CADPS2: variants seen among roughly 807,000 people sequenced by gnomAD.
CADPS2 encodes the protein calcium dependent secretion activator 2, also known as calcium-dependent secretion activator 2.
CADPS2 carries 93 observed loss-of-function variants against 172.5 expected under a neutral mutation model. The observed-to-expected ratio is 0.54, with a 90% CI of 0.46 to 0.64. The LOEUF (loss-of-function observed/expected upper bound fraction) is 0.64. Ranked by LOEUF, CADPS2 falls within the 30% of genes least tolerant of loss-of-function variation. CADPS2 has a pLI of 0.00. For synonymous variants in CADPS2, 546 were observed against 555.2 expected (o/e 0.98, Z 0.23); for missense variants, 1,420 against 1,565.9 (o/e 0.91, Z 1.57).
At chr7:122,400,431 C>T (rs1226824532) in intron 20 of CADPS2, among the ~76,000 whole-genome samples, 2 of 151,624 alleles carry the variant, frequency 1.3e-5, no homozygotes, top group African/African-American at 4.8e-5. Flanking sequence ...GAGCGAAACT[C>T]CATCTCAAAA....
At chr7:122,622,783 G>A (rs888142302) in intron 4 of CADPS2, among the ~76,000 whole-genome samples, 1 of 152,134 alleles carries the variant, frequency 6.6e-6, no homozygotes, top group East Asian at 1.9e-4. Flanking sequence ...CTCCAGAAAA[G>A]CACTGCCTTT....
rs146680247 is a variant in CADPS2, at chr7:122,519,842, T to A, written c.1476-6527A>T. Reference sequence around the variant, plus strand: ...AAAAAGTTAAGAGAAAACATTTTTTTAAATGGTATTTGCCTAATTGATTTT... The same window carrying A: ...AAAAAGTTAAGAGAAAACATTTTTTAAAATGGTATTTGCCTAATTGATTTT... On this transcript the variant is annotated intron_variant, in intron 8 of 29. Coordinates refer to ENST00000449022, the MANE Select transcript of CADPS2 (RefSeq NM_017954.11). Among the ~76,000 whole-genome samples the A allele has an allele frequency of 9.3e-5, 14 of 150,156 alleles. No individual in the cohort carries two copies. In the East Asian group the frequency reaches 2.8e-3, roughly 30 times the overall value.
At chr7:122,671,325 G>C (rs2081828238) in intron 2 of CADPS2, among the ~76,000 whole-genome samples, 1 of 152,132 alleles carries the variant, frequency 6.6e-6, no homozygotes, top group African/African-American at 2.4e-5. Flanking sequence ...GGTTTGGATG[G>C]TTAAACCAAT....
At chr7:122,392,314 T>G (rs1219544213) in intron 22 of CADPS2, among the ~76,000 whole-genome samples, 1 of 151,982 alleles carries the variant, frequency 6.6e-6, no homozygotes, top group East Asian at 1.9e-4. Context: ...TAGTAGTAAT[T>G]ATCATTTACT....
chr7:122,399,900 T>C (rs555077083), intron 20 of CADPS2, among the ~76,000 whole-genome samples: 4 of 148,738 alleles, frequency 2.7e-5, no homozygotes, highest in Admixed American at 2.7e-4. Context: ...GGTCTCGATC[T>C]CCTGACCTCG....
chr7:122,388,656 G>T lies in CADPS2; in HGVS notation c.3091C>A (p.Gln1031Lys). Residue 1031 changes from glutamine to lysine, a missense_variant, in exon 23 of 30, where the codon CAG (glutamine) becomes AAG (lysine). Coordinates refer to ENST00000449022, the MANE Select transcript of CADPS2 (RefSeq NM_017954.11). ...MFVFDLHWPE[Q>K]EFAHHLEQRL... Reference sequence around the variant, plus strand: ...TGCTCTAAGTGGTGGGCAAATTCCTGTTCTGGCCAGTGCAGATCAAAGACA... The same window carrying T: ...TGCTCTAAGTGGTGGGCAAATTCCTTTTCTGGCCAGTGCAGATCAAAGACA... The T allele has an allele frequency of 6.2e-7, 1 of 1,611,262 alleles. No homozygotes were observed. The highest frequency in any genetic ancestry group is 1.3e-5 in the African/African-American group (1 of 74,936).
At chr7:122,695,777 C>T (rs948429878) in intron 2 of CADPS2, among the ~76,000 whole-genome samples, 7 of 152,022 alleles carry the variant, frequency 4.6e-5, no homozygotes, top group Admixed American at 1.3e-4. Context: ...TATGCACATG[C>T]CAATTTCTTA....
rs2049575459 is a variant in CADPS2, at chr7:122,429,267, C to T, written c.2476+9074G>A. On this transcript the variant is annotated intron_variant, in intron 17 of 29. Transcript: ENST00000449022. Reference sequence around the variant, plus strand: ...GTGAAGTTGAAAAATCATGCACACACACAGCTTTTTTTTAAAATATATATC... The same window carrying T: ...GTGAAGTTGAAAAATCATGCACACATACAGCTTTTTTTTAAAATATATATC... Among the ~76,000 whole-genome samples the T allele has an allele frequency of 2.7e-5, 4 of 149,644 alleles. No individual in the cohort carries two copies. The South Asian group carries it at 6.5e-4, about 24-fold the overall frequency.
At chr7:122,673,472 A>G (rs2082076910) in intron 2 of CADPS2, among the ~76,000 whole-genome samples, 1 of 152,176 alleles carries the variant, frequency 6.6e-6, no homozygotes, top group Admixed American at 6.5e-5. Flanking sequence ...AGCTAGATAC[A>G]GAGTGCTGAA....
intron 12 of CADPS2, among the ~76,000 whole-genome samples, chr7:122,478,491 G>C (rs1380396181): frequency 6.6e-6 from 1 of 152,132 alleles, no homozygotes; most frequent in Non-Finnish European, 1.5e-5. Context: ...CTGTCACCAG[G>C]TGTGATAACA....
At chr7:122,321,554 T>A (rs1265893849) in intron 29 of CADPS2, among the ~76,000 whole-genome samples, 4 of 152,180 alleles carry the variant, frequency 2.6e-5, no homozygotes. Context: ...AGTGGCACAA[T>A]CTTGGCTCAC....
intron 7 of CADPS2, 130 bp downstream of exon 7, chr7:122,581,049 G>A (rs1356524324): frequency 1.6e-6 from 1 of 640,220 alleles, no homozygotes; most frequent in Non-Finnish European, 2.8e-6. Flanking sequence ...TGGGCTTGTG[G>A]GAAATAACAA....
At chr7:122,883,140 A>G (rs1252345863) in intron 1 of CADPS2, among the ~76,000 whole-genome samples, 5 of 152,206 alleles carry the variant, frequency 3.3e-5, no homozygotes, top group Non-Finnish European at 5.9e-5. Flanking sequence ...AATAGCTCAT[A>G]GACACAACCT....
chr7:122,702,095 T>C (rs999741933), intron 2 of CADPS2: 3 of 1,613,596 alleles, frequency 1.9e-6, no homozygotes, highest in East Asian at 2.2e-5. Flanking sequence ...GGTGAAAGAA[T>C]TGGGCACTCT....
chr7:122,359,099 G>A lies in CADPS2; in HGVS notation c.3504+1689C>T, dbSNP rs999910386. Among the ~76,000 whole-genome samples, 3 of 152,194 alleles carry A rather than the reference G, an allele frequency of 2.0e-5. No homozygotes were observed. In the East Asian group the frequency reaches 5.8e-4, roughly 29 times the overall value. On this transcript the variant is annotated intron_variant, in intron 27 of 29. Transcript: ENST00000449022. Reference sequence around the variant, plus strand: ...TGTGCTAAATAAATATTTAAGTAGTGGGTTTAGTGAATAAATTGAGAATGT... The same window carrying A: ...TGTGCTAAATAAATATTTAAGTAGTAGGTTTAGTGAATAAATTGAGAATGT...
intron 15 of CADPS2, among the ~76,000 whole-genome samples, chr7:122,444,562 A>C (rs1182445449): frequency 1.3e-5 from 2 of 152,174 alleles, no homozygotes; most frequent in Admixed American, 6.5e-5. Flanking sequence ...TTCCCTGTTG[A>C]ATAATGACGT....
chr7:122,421,921 C>G (rs1585862995), intron 17 of CADPS2: 1 of 152,134 alleles, frequency 6.6e-6, no homozygotes, highest in African/African-American at 2.4e-5. Context: ...TAGCAACAGT[C>G]CAAAGTGGAA....
chr7:122,411,417 G>A (rs1292978300), intron 19 of CADPS2, among the ~76,000 whole-genome samples: 1 of 151,514 alleles, frequency 6.6e-6, no homozygotes, highest in African/African-American at 2.4e-5. Context: ...ATGGGGTTTC[G>A]CCATGTTCGC....
rs376769794 is a variant in CADPS2, at chr7:122,698,247, C to T, written c.454-34678G>A. 45 of 1,613,834 alleles carry T rather than the reference C, an allele frequency of 2.8e-5. No individual in the cohort carries two copies. The East Asian group carries it at 7.6e-4, about 27-fold the overall frequency. The stretch of plus-strand genomic sequence containing the variant: ...TGTTCTGAAGATCTGTTGTTAATCG[C>T]TGCCATCTCCGGTTCTGAATCCTTG... On this transcript the variant is annotated intron_variant, in intron 2 of 29. Transcript: ENST00000449022.
Sources: gnomAD v4.1 joint callset for allele counts (sites outside exome capture counted in the v4.1 genomes callset) on GRCh38, gnomAD v4.1.1 for gene constraint, MANE v1.5 for transcripts, NCBI Gene and HGNC (gene_info 2026-07-23, HGNC 2026-07-21) for gene names.